The following COL5A1 variants were observed in gnomAD, a reference collection of about 807,000 sequenced individuals.
The protein encoded by COL5A1 is collagen type V alpha 1 chain.
A neutral mutation model predicts 263.7 loss-of-function variants in COL5A1; 16 were observed. The observed-to-expected ratio is 0.06, with a 90% CI of 0.04 to 0.09. The LOEUF is 0.09. Among genes scored for constraint, COL5A1 ranks in the 10% least tolerant of loss-of-function variants. COL5A1 has a pLI of 1.00. For missense variants in COL5A1, 2,036 were observed against 2,540.5 expected (o/e 0.80, Z 4.27); for synonymous variants, 1,012 against 1,004.5 (o/e 1.01, Z -0.14).
At chr9:134,744,585 T>C (rs1454348144) in intron 11 of COL5A1, among the ~76,000 whole-genome samples, 2 of 114,730 alleles carry the variant, frequency 1.7e-5, no homozygotes, top group African/African-American at 6.8e-5. Flanking sequence ...GCACACACAC[T>C]TACACATGCA....
intron 37 of COL5A1, among the ~76,000 whole-genome samples, chr9:134,801,553 C>T (rs921449326): frequency 2.6e-5 from 4 of 152,224 alleles, no homozygotes; most frequent in Non-Finnish European, 5.9e-5. Context: ...CTTTGGGAGG[C>T]TGAGGCAGGT....
At chr9:134,792,848 TGC>T (rs113021416) in intron 32 of COL5A1, among the ~76,000 whole-genome samples, 1,938 of 141,782 alleles carry the variant, frequency 0.014, 44 homozygotes, top group African/African-American at 0.047. Flanking sequence ...TATGTGTGTG[TGC>T]GCACACGTGT....
At chr9:134,760,142 G>GCA (rs141498545) in intron 18 of COL5A1, among the ~76,000 whole-genome samples, 8,585 of 70,522 alleles carry the variant, frequency 0.12, 1,262 homozygotes, top group African/African-American at 0.29. Context: ...ACTCACATGT[G>GCA]CAGACACCAC....
chr9:134,782,981 C>T (rs552901455), intron 29 of COL5A1, among the ~76,000 whole-genome samples: 43 of 152,348 alleles, frequency 2.8e-4, no homozygotes, highest in Admixed American at 2.0e-3. Context: ...CCCAGTGTCC[C>T]ACACAGGGGG....
rs1832700406 is a variant in COL5A1 at position 134,676,886 on chromosome 9, T to G, written c.110-14026T>G. ...TGCTCATTGGCTGGCTTCCTCCTTCTTCCTTCCTTTGAGCGCTGTACCAAG... is the reference window on the plus strand; with the variant it reads ...TGCTCATTGGCTGGCTTCCTCCTTCGTCCTTCCTTTGAGCGCTGTACCAAG... On this transcript the variant is annotated intron_variant, in intron 1 of 65. Coordinates refer to ENST00000371817, the MANE Select transcript of COL5A1 (RefSeq NM_000093.5). Among the ~76,000 whole-genome samples, 3 of 152,244 alleles carry G rather than the reference T, an allele frequency of 2.0e-5. No homozygotes were observed. In the South Asian group the frequency reaches 6.2e-4, roughly 32 times the overall value.
intron 1 of COL5A1, among the ~76,000 whole-genome samples, chr9:134,670,398 A>G (rs1832503650): frequency 6.6e-6 from 1 of 152,248 alleles, no homozygotes; most frequent in Non-Finnish European, 1.5e-5. Context: ...ACTGTGCCCC[A>G]GGCAGTGTTA....
chr9:134,701,972 C>G (rs371298380), intron 4 of COL5A1, among the ~76,000 whole-genome samples: 76 of 152,332 alleles, frequency 5.0e-4, no homozygotes, highest in African/African-American at 1.4e-3. Flanking sequence ...GTCCCACTGC[C>G]AAGAAACAGG....
In COL5A1 at chr9:134,778,708, G is replaced by A. The variant is rs545442199; in HGVS notation, c.2386-1394G>A. Among the ~76,000 whole-genome samples, 7 of 152,346 alleles carry A rather than the reference G, an allele frequency of 4.6e-5. No individual in the cohort carries two copies. The East Asian group carries it at 1.4e-3, about 29-fold the overall frequency. ...CTGGGCGTAGAGGGAGGTGTCCCAG[G>A]CCTCTCCACTAGTGGTGGCGGCCAG... On this transcript the variant is annotated intron_variant, in intron 27 of 65. Coordinates refer to ENST00000371817, the MANE Select transcript of COL5A1 (RefSeq NM_000093.5).
intron 1 of COL5A1, among the ~76,000 whole-genome samples, chr9:134,668,999 C>A (rs1288165295): frequency 1.3e-5 from 2 of 150,222 alleles, no homozygotes; most frequent in African/African-American, 4.9e-5. Context: ...ACCCACCCAC[C>A]CACTCACCCA....
chr9:134,780,153 C>G lies in COL5A1; in HGVS notation c.2430+7C>G. ...GGGCACAAAGGGCGAGAAGGTAAGT[C>G]TCTCCTTGCAGCCACGGGGCCCCCT... On this transcript the variant is annotated splice_region_variant and intron_variant, in intron 28 of 65. Transcript: ENST00000371817. 6.2e-7 allele frequency: 1 copy of G among 1,613,284 alleles called. No homozygotes were observed. Among genetic ancestry groups the G allele is most frequent in the Non-Finnish European group, 8.5e-7 (1 of 1,180,016 alleles).
intron 18 of COL5A1, among the ~76,000 whole-genome samples, chr9:134,759,515 A>G: frequency 8.3e-6 from 1 of 120,620 alleles, no homozygotes; most frequent in African/African-American, 3.6e-5. Context: ...GCACACACAC[A>G]TACACACACC....
At chr9:134,830,426 G>A in intron 64 of COL5A1, 1 of 575,796 alleles carries the variant, frequency 1.7e-6, no homozygotes, top group South Asian at 2.0e-5. Flanking sequence ...CGCAGAGCTG[G>A]GTGTGGGCCC....
At chr9:134,713,387 G>A (rs1052429201) in intron 4 of COL5A1, among the ~76,000 whole-genome samples, 3 of 152,226 alleles carry the variant, frequency 2.0e-5, no homozygotes, top group African/African-American at 7.2e-5. Flanking sequence ...GGCTGTGTGC[G>A]CTCCACAGAG....
chr9:134,798,917 C>T (rs563637092), intron 37 of COL5A1, among the ~76,000 whole-genome samples: 8 of 152,344 alleles, frequency 5.3e-5, no homozygotes, highest in Admixed American at 1.3e-4. Context: ...TTCAGTCATT[C>T]GATGCTGCAA....
chr9:134,745,234 A>G (rs1835467804), intron 11 of COL5A1, among the ~76,000 whole-genome samples: 1 of 152,226 alleles, frequency 6.6e-6, no homozygotes, highest in Non-Finnish European at 1.5e-5. Context: ...GAGGGTATAC[A>G]TTATCATATG....
intron 1 of COL5A1, among the ~76,000 whole-genome samples, chr9:134,656,324 TCA>T (rs1186735173): frequency 2.6e-5 from 4 of 152,204 alleles, no homozygotes; most frequent in Admixed American, 1.3e-4. Context: ...TATCACCAGC[TCA>T]CAGTCACCTC....
At chr9:134,644,589 C>CCA (rs1554773017) in intron 1 of COL5A1, among the ~76,000 whole-genome samples, 1 of 83,970 alleles carries the variant, frequency 1.2e-5, no homozygotes, top group Non-Finnish European at 2.5e-5. Flanking sequence ...GAGGCAGGCG[C>CCA]GGGGGGGAGC....
At chr9:134,809,798 C>G (rs1197326926) in intron 43 of COL5A1, among the ~76,000 whole-genome samples, 2 of 152,196 alleles carry the variant, frequency 1.3e-5, no homozygotes, top group Non-Finnish European at 2.9e-5. Flanking sequence ...CTGTAACTTT[C>G]TATTGATGAC....
At chr9:134,656,193 C>T (rs140695187) in intron 1 of COL5A1, among the ~76,000 whole-genome samples, 6 of 152,230 alleles carry the variant, frequency 3.9e-5, no homozygotes, top group East Asian at 3.9e-4. Flanking sequence ...TGCGGCTCCT[C>T]GTCCTGCCCG....
Sources: allele counts gnomAD v4.1 joint callset (sites outside exome capture counted in the v4.1 genomes callset), GRCh38; gene constraint gnomAD v4.1.1; transcripts MANE v1.5; gene names NCBI Gene and HGNC (gene_info 2026-07-23, HGNC 2026-07-21).